Variants in ARMCX4 observed in about 807,000 individuals in gnomAD.
ARMCX4 encodes the protein armadillo repeat containing X-linked 4.
In ARMCX4, 3 loss-of-function variants were observed where a neutral mutation model predicts 34.7. That is an observed-to-expected ratio of 0.09 (90% CI 0.04 to 0.22). ARMCX4 has a LOEUF of 0.22. Ranked by LOEUF, ARMCX4 falls within the 10% of genes least tolerant of loss-of-function variation. ARMCX4 has a pLI of 1.00. For synonymous variants in ARMCX4, 513 were observed against 632.8 expected (o/e 0.81, Z 2.84); for missense variants, 1,448 against 1,720.8 (o/e 0.84, Z 2.81).
At chrX:101,488,415 T>G in intron 5 of ARMCX4, 29 bp from the exon 6 acceptor site, 1 of 1,084,660 alleles carries the variant, frequency 9.2e-7, no homozygotes, top group East Asian at 3.3e-5. Context: ...GAAGAGAAAT[T>G]TTAGTCCATT....
intron 11 of ARMCX4, among the ~76,000 whole-genome samples, chrX:101,521,966 T>C (rs1556019214): frequency 8.9e-6 from 1 of 111,757 alleles, no homozygotes; most frequent in East Asian, 2.8e-4. Flanking sequence ...GAGAAGAATA[T>C]GTATTTTTCT....
chrX:101,494,528 A>T lies in ARMCX4; in HGVS notation c.5939A>T (p.Tyr1980Phe). The T allele has an allele frequency of 3.5e-6, 4 of 1,155,904 alleles. No individual in the cohort carries two copies. Among genetic ancestry groups the T allele is most frequent in the Non-Finnish European group, 4.6e-6 (4 of 872,862 alleles). ...TCTGAGTCAAGAGGCATATATCCGT[A>T]CATGGTCCCTGGGGCAGGAATGGGG... Reference protein sequence around the residue: ...KSSESRGIYPYMVPGAGMGSW... With the variant: ...KSSESRGIYPFMVPGAGMGSW... The change falls in exon 6 of 6, where the codon TAC becomes TTC. Residue 1980 changes from tyrosine (Y) to phenylalanine (F), a missense_variant. Physicochemically the swap from Tyr to Phe is conservative, Grantham distance 22. Transcript: ENST00000423738.
downstream of ARMCX4, among the ~76,000 whole-genome samples, chrX:101,452,864 T>C (rs868977505): frequency 4.2e-5 from 2 of 48,137 alleles, no homozygotes; most frequent in Admixed American, 2.3e-4. Context: ...CTGGGCTGTT[T>C]GTTTTATTAT....
intron 2 of ARMCX4, among the ~76,000 whole-genome samples, chrX:101,438,347 G>A (rs1256376906): frequency 8.9e-6 from 1 of 111,741 alleles, no homozygotes; most frequent in African/African-American, 3.3e-5. Context: ...GGCGGATCAC[G>A]AGGTCAGGAG....
At chrX:101,455,778 T>C (rs1932245862) in intron 4 of ARMCX4, among the ~76,000 whole-genome samples, 1 of 111,390 alleles carries the variant, frequency 9.0e-6, no homozygotes, top group Admixed American at 9.6e-5. Context: ...GTGAGCACAG[T>C]ACTTGATAGG....
intron 4 of ARMCX4, among the ~76,000 whole-genome samples, chrX:101,474,996 A>AAG (rs1303573138): frequency 1.2e-4 from 13 of 108,585 alleles, no homozygotes; most frequent in African/African-American, 4.0e-4. Context: ...AAAAAAAAAA[A>AAG]AAAGAAAAAG....
chrX:101,436,710 C>T (rs1270325874), intron 2 of ARMCX4, among the ~76,000 whole-genome samples: 1 of 111,436 alleles, frequency 9.0e-6, no homozygotes, highest in African/African-American at 3.3e-5. Flanking sequence ...AGAGGGCATC[C>T]CTGTCTTGTG....
chrX:101,487,538 G>C lies in ARMCX4; in HGVS notation c.-286-70G>C, dbSNP rs1198821335. The C allele has an allele frequency of 6.2e-6, 3 of 482,738 alleles. No homozygotes were observed. In the African/African-American group the frequency reaches 7.4e-5, roughly 12 times the overall value. The allele number at this position is 482,738 out of a possible 1,213,427, so 39.8% of individuals were successfully genotyped here. A position where few individuals can be genotyped will look rare whatever the true frequency, so the allele number is the denominator to read the frequency against. ...TGGCGAGGCAGACATTGGGGTCAGG[G>C]ATCAGGTTGCTTGTCTGTTCTACCA... On this transcript the variant is annotated intron_variant, in intron 3 of 5. Coordinates refer to ENST00000423738, the MANE Select transcript of ARMCX4 (RefSeq NM_001256155.3).
chrX:101,520,132 G>C (rs1032375155), intron 11 of ARMCX4, among the ~76,000 whole-genome samples: 3 of 111,714 alleles, frequency 2.7e-5, no homozygotes, highest in Admixed American at 9.5e-5. Flanking sequence ...TTTATTTTTT[G>C]ATTGCTTGTG....
chrX:101,457,432 T>C (rs1455592846), intron 4 of ARMCX4, among the ~76,000 whole-genome samples: 1 of 111,646 alleles, frequency 9.0e-6, no homozygotes, highest in African/African-American at 3.3e-5. Context: ...TCTTCATTTA[T>C]TGGTTAAAAA....
At chrX:101,524,210 T>C (rs1556019812) in intron 11 of ARMCX4, 1 of 112,124 alleles carries the variant, frequency 8.9e-6, no homozygotes, top group Non-Finnish European at 1.9e-5. Context: ...CCAGATTTGT[T>C]GAAAGATATA....
chrX:101,468,055 A>G (rs1337474306), intron 4 of ARMCX4, among the ~76,000 whole-genome samples: 3 of 111,483 alleles, frequency 2.7e-5, no homozygotes, highest in Non-Finnish European at 5.7e-5. Flanking sequence ...ATATATTCTC[A>G]TATAGATACA....
intron 11 of ARMCX4, among the ~76,000 whole-genome samples, chrX:101,527,763 C>T (rs1244955807): frequency 9.0e-6 from 1 of 111,701 alleles, no homozygotes; most frequent in Non-Finnish European, 1.9e-5. Context: ...CACATACACC[C>T]TTCCAAGACT....
rs1934130322 is a variant in ARMCX4, at chrX:101,494,485, G to A, written c.5896G>A (p.Ala1966Thr). Residue 1966 changes from alanine to threonine, a missense_variant, in exon 6 of 6, where the codon GCT (alanine) becomes ACT (threonine). Ala to Thr is a moderately conservative substitution (Grantham distance 58). Around this residue, in one of 2 missense-constraint regions of ARMCX4, gnomAD observed 1,343 missense variants for 1,540.7 expected, o/e 0.87. Coordinates refer to ENST00000423738, the MANE Select transcript of ARMCX4 (RefSeq NM_001256155.3). ...AAGTGAGGACAAATCTGCACCTAAG[G>A]CTAAAGCCAAAAAGTCATCTGAGTC... The part of the protein sequence containing the change: ...NTSEDKSAPK[A>T]KAKKSSESRG... 8.7e-7 allele frequency: 1 copy of A among 1,155,364 alleles called. No individual in the cohort carries two copies. The highest frequency in any genetic ancestry group is 1.1e-6 in the Non-Finnish European group (1 of 872,701).
At chrX:101,472,784 C>A (rs1189117091) in intron 4 of ARMCX4, among the ~76,000 whole-genome samples, 2 of 90,568 alleles carry the variant, frequency 2.2e-5, no homozygotes, top group African/African-American at 9.1e-5. Context: ...ACCAGGCCTG[C>A]CCTAAAAGAG....
rs782650162 is a variant in ARMCX4 at position 101,436,814 on chromosome X, G to A, written n.165-7238G>A. The stretch of plus-strand genomic sequence containing the variant: ...GATAGCTCTTATTATTTTGAGATAC[G>A]TCCCATCAATACCTAATTTATTGAG... On this transcript the variant is annotated intron_variant and non_coding_transcript_variant, in intron 2 of 3. Coordinates refer to the ARMCX4 transcript ENST00000430461. Among the ~76,000 whole-genome samples, 19 of 111,522 alleles carry A rather than the reference G, an allele frequency of 1.7e-4. No homozygotes were observed. In the East Asian group the frequency reaches 3.4e-3, roughly 20 times the overall value.
upstream of ARMCX4, among the ~76,000 whole-genome samples, chrX:101,482,990 G>T (rs1157405583): frequency 9.9e-6 from 1 of 101,041 alleles, no homozygotes; most frequent in Non-Finnish European, 2.0e-5. Flanking sequence ...CCATCCCTTG[G>T]GTTCAAGCCA....
chrX:101,462,893 T>A (rs1932684578), intron 4 of ARMCX4, among the ~76,000 whole-genome samples: 1 of 111,505 alleles, frequency 9.0e-6, no homozygotes, highest in Non-Finnish European at 1.9e-5. Context: ...GAAGTGGATG[T>A]CTAGTTTTAG....
intron 2 of ARMCX4, among the ~76,000 whole-genome samples, chrX:101,438,339 C>T (rs936795588): frequency 7.2e-5 from 8 of 111,445 alleles, no homozygotes; most frequent in South Asian, 7.4e-4. Flanking sequence ...CTGAAGTGGG[C>T]GGATCACGAG....
Sources: allele counts gnomAD v4.1 joint callset (sites outside exome capture counted in the v4.1 genomes callset), GRCh38; gene constraint gnomAD v4.1.1; regional missense constraint gnomAD v4.1.1; transcripts MANE v1.5; gene names NCBI Gene and HGNC (gene_info 2026-07-23, HGNC 2026-07-21).